Variants in PIBF1 observed in about 807,000 individuals in gnomAD.
The protein encoded by PIBF1 is progesterone-induced-blocking factor 1.
In PIBF1, 90 loss-of-function variants were observed where a neutral mutation model predicts 112.5. The observed-to-expected ratio is 0.80, with a 90% confidence interval of 0.67 to 0.95. The LOEUF (loss-of-function observed/expected upper bound fraction) is 0.95, where lower values mean the gene tolerates loss of function less well. Among genes scored for constraint, PIBF1 ranks in the 40% least tolerant of loss-of-function variants. The pLI is 0.00. For missense variants in PIBF1, 915 were observed against 852.3 expected (o/e 1.07, Z -0.92); for synonymous variants, 301 against 288.6 (o/e 1.04, Z -0.44).
intron 14 of PIBF1, among the ~76,000 whole-genome samples, chr13:72,945,965 T>C (rs781246471): frequency 6.6e-6 from 1 of 152,118 alleles, no homozygotes; most frequent in Non-Finnish European, 1.5e-5. Context: ...AACTGGACTT[T>C]CCAGAACATG....
intron 14 of PIBF1, among the ~76,000 whole-genome samples, chr13:72,963,086 A>C (rs1205279174): frequency 6.6e-6 from 1 of 152,184 alleles, no homozygotes; most frequent in African/African-American, 2.4e-5. Context: ...ATCTACATGC[A>C]AAAGAATGAA....
chr13:72,990,667 G>A (rs1267368664), intron 16 of PIBF1, among the ~76,000 whole-genome samples: 1 of 151,850 alleles, frequency 6.6e-6, no homozygotes, highest in African/African-American at 2.4e-5. Flanking sequence ...GGCCAACTTG[G>A]TGAAACCCCA....
chr13:72,787,587 G>T (rs1259853711), intron 2 of PIBF1, among the ~76,000 whole-genome samples: 4 of 152,132 alleles, frequency 2.6e-5, no homozygotes, highest in Non-Finnish European at 4.4e-5. Context: ...AAATCTATCT[G>T]GTAGCATCCT....
chr13:72,997,745 A>G (rs1566533425), intron 16 of PIBF1, among the ~76,000 whole-genome samples: 2 of 152,204 alleles, frequency 1.3e-5, no homozygotes, highest in Non-Finnish European at 2.9e-5. Flanking sequence ...ATACAATAAG[A>G]TAATAGGAAA....
intron 14 of PIBF1, among the ~76,000 whole-genome samples, chr13:72,953,892 G>T (rs988892496): frequency 2.0e-5 from 3 of 152,066 alleles, no homozygotes; most frequent in Admixed American, 1.3e-4. Flanking sequence ...GCAATGGGCG[G>T]GGCTATGGAG....
At chr13:72,914,604 C>T (rs2041017484) in intron 12 of PIBF1, among the ~76,000 whole-genome samples, 1 of 152,106 alleles carries the variant, frequency 6.6e-6, no homozygotes, top group African/African-American at 2.4e-5. Context: ...TATAGTTAGA[C>T]ACAGGGTCTC....
rs1488430765 is a variant in PIBF1, at chr13:73,013,195, G to A, written c.2224-2674G>A. Among the ~76,000 whole-genome samples the A allele has an allele frequency of 8.6e-5, 13 of 151,282 alleles. No individual in the cohort carries two copies. In the East Asian group the frequency reaches 2.4e-3, roughly 27 times the overall value. ...GGGCACCTGTAGTCCCAGCTACTCG[G>A]GAGGCTGAGGCAGGAGAATGGCGTG... On this transcript the variant is annotated intron_variant, in intron 17 of 17. Transcript: ENST00000326291.
At chr13:72,903,057 A>G (rs59286213) in intron 11 of PIBF1, among the ~76,000 whole-genome samples, 17,715 of 151,928 alleles carry the variant, frequency 0.12, 2,982 homozygotes, top group African/African-American at 0.37. Context: ...CACCACGCCC[A>G]GCTAATGTTT....
At chr13:72,899,458 A>G (rs2040404563) in intron 11 of PIBF1, among the ~76,000 whole-genome samples, 1 of 152,232 alleles carries the variant, frequency 6.6e-6, no homozygotes, top group South Asian at 2.1e-4. Context: ...GGGATGCTGG[A>G]TGGTTTAACG....
intron 14 of PIBF1, among the ~76,000 whole-genome samples, chr13:72,940,237 A>G (rs916486200): frequency 2.0e-5 from 3 of 151,928 alleles, no homozygotes; most frequent in Non-Finnish European, 4.4e-5. Context: ...TCTTTTGAAT[A>G]GCTTCTTTTA....
At chr13:72,848,764 G>A (rs182981859) in intron 9 of PIBF1, among the ~76,000 whole-genome samples, 4 of 151,928 alleles carry the variant, frequency 2.6e-5, no homozygotes, top group Non-Finnish European at 4.4e-5. Context: ...CCCGGGAAGC[G>A]GAGCTTGCAG....
intron 16 of PIBF1, among the ~76,000 whole-genome samples, chr13:72,974,611 A>C (rs887493310): frequency 6.6e-6 from 1 of 152,058 alleles, no homozygotes; most frequent in African/African-American, 2.4e-5. Flanking sequence ...GAGCCTGTAC[A>C]TACATCTACA....
intron 16 of PIBF1, among the ~76,000 whole-genome samples, chr13:72,986,720 G>T (rs2043300204): frequency 8.6e-6 from 1 of 116,512 alleles, no homozygotes. Context: ...GTCTCGCTCT[G>T]TCGCCCAGGC....
At chr13:72,918,381 C>CAATTT in intron 13 of PIBF1, among the ~76,000 whole-genome samples, 1 of 131,742 alleles carries the variant, frequency 7.6e-6, no homozygotes. Flanking sequence ...CAGCAACTAC[C>CAATTT]TATTTTTTTT....
intron 6 of PIBF1, among the ~76,000 whole-genome samples, chr13:72,826,029 C>A (rs1325477371): frequency 6.8e-6 from 1 of 147,950 alleles, no homozygotes; most frequent in African/African-American, 2.5e-5. Context: ...CATAGCAAGA[C>A]CCCCATCTCA....
In PIBF1 at chr13:72,821,893, A is replaced by C. The variant is rs61731743; in HGVS notation, c.717A>C (p.Arg239Ser). The C allele has an allele frequency of 6.2e-7, 1 of 1,612,828 alleles. No individual in the cohort carries two copies. ...DRKNYSEVQI[R>S]CQRLALELAD... ...AAAACTACTCTGAAGTTCAAATTAG[A>C]TGTCAACGTTTGGCCTTAGAATTAG... Residue 239 changes from arginine to serine, a missense_variant, in exon 6 of 18, where the codon AGA becomes AGC. Arg to Ser is a moderately radical substitution (Grantham distance 110). Coordinates refer to ENST00000326291, the MANE Select transcript of PIBF1 (RefSeq NM_006346.4).
chr13:72,965,653 A>G (rs541772459), intron 15 of PIBF1, among the ~76,000 whole-genome samples: 17 of 152,312 alleles, frequency 1.1e-4, no homozygotes, highest in Admixed American at 9.8e-4. Context: ...CATTCCATCT[A>G]TCCTAGAGGA....
At chr13:72,960,927 T>C (rs2042586425) in intron 14 of PIBF1, among the ~76,000 whole-genome samples, 1 of 151,588 alleles carries the variant, frequency 6.6e-6, no homozygotes, top group African/African-American at 2.4e-5. Flanking sequence ...AAACCCAAAC[T>C]ATAGAAGCTA....
intron 9 of PIBF1, among the ~76,000 whole-genome samples, chr13:72,853,305 T>C (rs1478168635): frequency 6.6e-6 from 1 of 152,174 alleles, no homozygotes; most frequent in Non-Finnish European, 1.5e-5. Context: ...ACTTTTCCAG[T>C]ACCCTAACTT....
Sources: gnomAD v4.1 joint callset for allele counts (sites outside exome capture counted in the v4.1 genomes callset) on GRCh38, gnomAD v4.1.1 for gene constraint, MANE v1.5 for transcripts, NCBI Gene and HGNC (gene_info 2026-07-23, HGNC 2026-07-21) for gene names.